Variants in MAP4K4 observed in about 807,000 individuals in gnomAD.
MAP4K4 encodes mitogen-activated protein kinase kinase kinase kinase 4.
A neutral mutation model predicts 189.6 loss-of-function variants in MAP4K4; 38 were observed. The observed-to-expected ratio is 0.20, with a 90% CI of 0.15 to 0.26. The LOEUF is 0.26. Among genes scored for constraint, MAP4K4 ranks in the 10% least tolerant of loss-of-function variants. MAP4K4 has a pLI of 1.00. For synonymous variants in MAP4K4, 610 were observed against 624.3 expected (o/e 0.98, Z 0.34); for missense variants, 1,054 against 1,726.9 (o/e 0.61, Z 6.91).
At chr2:101,860,374 C>T (rs1287574554) in intron 15 of MAP4K4, 1 of 188,042 alleles carries the variant, frequency 5.3e-6, no homozygotes, top group Non-Finnish European at 1.1e-5. Flanking sequence ...AATCCCGGCC[C>T]ACAGGTGGCA....
exon 1 of MAP4K4, chr2:101,698,019 T>G: frequency 7.6e-5 from 87 of 1,147,120 alleles, no homozygotes; most frequent in Non-Finnish European, 9.2e-5. Context: ...GGTCTGCGGC[T>G]GAGATACACA....
chr2:101,872,184 G>A (rs1298645358), intron 24 of MAP4K4, among the ~76,000 whole-genome samples: 1 of 151,542 alleles, frequency 6.6e-6, no homozygotes, highest in African/African-American at 2.4e-5. Flanking sequence ...TGTTTGGGGG[G>A]TGGGTTGTTG....
chr2:101,885,408 T>C (rs2150277377), intron 29 of MAP4K4, 121 bp downstream of exon 29: 2 of 593,508 alleles, frequency 3.4e-6, no homozygotes, highest in East Asian at 2.8e-5. Flanking sequence ...TGTGCTAATA[T>C]AGCATATAAC....
intron 3 of MAP4K4, among the ~76,000 whole-genome samples, chr2:101,796,070 C>G (rs1444469106): frequency 1.3e-5 from 2 of 152,232 alleles, no homozygotes; most frequent in East Asian, 3.9e-4. Flanking sequence ...AAACGGTGCT[C>G]TTTGGAGTGA....
At chr2:101,746,538 A>G (rs976199599) in intron 2 of MAP4K4, among the ~76,000 whole-genome samples, 15 of 152,110 alleles carry the variant, frequency 9.9e-5, no homozygotes, top group African/African-American at 3.6e-4. Context: ...CTGACTCTCC[A>G]TGTTGTCCTC....
At chr2:101,836,026 T>G in intron 9 of MAP4K4, 48 bp downstream of exon 9, 1 of 1,404,386 alleles carries the variant, frequency 7.1e-7, no homozygotes, top group East Asian at 2.3e-5. Context: ...TTTTTTAAAT[T>G]GCTTCTTTTT....
chr2:101,877,773 G>A (rs766843839), intron 27 of MAP4K4, among the ~76,000 whole-genome samples: 23 of 149,648 alleles, frequency 1.5e-4, no homozygotes, highest in African/African-American at 4.2e-4. Context: ...TTTTTGAGAC[G>A]GAGTCTCACT....
chr2:101,885,316 G>A (rs2150275711), intron 29 of MAP4K4, 29 bp downstream of exon 29: 1 of 1,338,072 alleles, frequency 7.5e-7, no homozygotes, highest in East Asian at 2.4e-5. Context: ...TTTAAAAGTA[G>A]TATTGGCCAT....
chr2:101,739,286 G>C (rs2061655771), intron 2 of MAP4K4, among the ~76,000 whole-genome samples: 1 of 152,148 alleles, frequency 6.6e-6, no homozygotes, highest in East Asian at 1.9e-4. Context: ...GTTGCCTTCA[G>C]GTTACAGCAT....
chr2:101,831,125 T>C (rs1366104094), intron 6 of MAP4K4, among the ~76,000 whole-genome samples: 2 of 152,208 alleles, frequency 1.3e-5, no homozygotes, highest in Non-Finnish European at 1.5e-5. Context: ...CCTCCCGTCC[T>C]TGAACTTTCC....
At position 101,869,686 on chromosome 2, in the gene MAP4K4, C is replaced by T. The variant is rs770671445; in HGVS notation, c.2528C>T (p.Thr843Met). ...GATGTACGGCCACCTCACAAAGTAA[C>T]GGACTACTCCTCATCCAGTGAGGAG... The change falls in exon 22 of 33, where the codon ACG (threonine) becomes ATG (methionine). Residue 843 changes from threonine to methionine, a missense_variant. Physicochemically the swap from Thr to Met is moderately conservative, Grantham distance 81. This residue lies in a region of MAP4K4 where 646 missense variants were observed against 796.2 expected (regional missense o/e 0.81). Coordinates refer to ENST00000324219, the Ensembl canonical transcript of MAP4K4. 1.5e-5 allele frequency: 24 copies of T among 1,607,240 alleles called. No individual in the cohort carries two copies. Among genetic ancestry groups the T allele is most frequent in the South Asian group, 4.5e-5 (4 of 89,476 alleles).
chr2:101,712,566 C>G (rs1039312647), intron 2 of MAP4K4, among the ~76,000 whole-genome samples: 14 of 151,970 alleles, frequency 9.2e-5, no homozygotes, highest in African/African-American at 3.1e-4. Flanking sequence ...GTAGCATGAT[C>G]TTGGCTCACT....
chr2:101,783,290 AAG>A (rs1491164779), intron 2 of MAP4K4, among the ~76,000 whole-genome samples: 1 of 151,730 alleles, frequency 6.6e-6, no homozygotes, highest in Non-Finnish European at 1.5e-5. Context: ...GGAAAAAAAA[AAG>A]GATATTTGTT....
At chr2:101,833,712 T>C (rs1214481740) in intron 7 of MAP4K4, among the ~76,000 whole-genome samples, 2 of 152,052 alleles carry the variant, frequency 1.3e-5, no homozygotes, top group Non-Finnish European at 2.9e-5. Context: ...TAAATAAAAC[T>C]GGCAAAAATG....
At chr2:101,709,829 C>G (rs1337800530) in intron 2 of MAP4K4, among the ~76,000 whole-genome samples, 3 of 152,120 alleles carry the variant, frequency 2.0e-5, no homozygotes, top group African/African-American at 7.2e-5. Flanking sequence ...TCATTTGTTT[C>G]AAGTGTATTT....
intron 2 of MAP4K4, among the ~76,000 whole-genome samples, chr2:101,734,434 C>G (rs1010629683): frequency 6.6e-6 from 1 of 152,100 alleles, no homozygotes; most frequent in African/African-American, 2.4e-5. Flanking sequence ...GTATGGATAT[C>G]AGGTAGTTTA....
chr2:101,836,152 C>A (rs2096744481), intron 9 of MAP4K4, among the ~76,000 whole-genome samples, 174 bp downstream of exon 9: 1 of 152,120 alleles, frequency 6.6e-6, no homozygotes, highest in African/African-American at 2.4e-5. Context: ...TGAGATTTTT[C>A]TTGTTAAATT....
chr2:101,773,301 C>G (rs1385049917), intron 2 of MAP4K4, among the ~76,000 whole-genome samples: 1 of 152,194 alleles, frequency 6.6e-6, no homozygotes, highest in Non-Finnish European at 1.5e-5. Context: ...AAAGACAATG[C>G]CAACAAAGCA....
chr2:101,868,125 C>G (rs1193247305), intron 21 of MAP4K4, 88 bp downstream of exon 21: 18 of 1,386,842 alleles, frequency 1.3e-5, no homozygotes, highest in Non-Finnish European at 1.8e-5. Context: ...GGTCCTGCTC[C>G]TTCCTCAACT....
Sources: allele counts gnomAD v4.1 joint callset (sites outside exome capture counted in the v4.1 genomes callset), GRCh38; gene constraint gnomAD v4.1.1; regional missense constraint gnomAD v4.1.1; transcripts MANE v1.5; gene names NCBI Gene and HGNC (gene_info 2026-07-23, HGNC 2026-07-21).